The following NAV2 variants were observed in gnomAD, a reference collection of about 807,000 sequenced individuals.
The protein encoded by NAV2 is neuron navigator 2, also known as helicase, APC down-regulated 1.
NAV2 carries 54 observed loss-of-function variants against 223.2 expected under a neutral mutation model. The ratio of observed to expected loss-of-function variants is 0.24; its 90% confidence interval spans 0.19 to 0.30. The LOEUF is 0.30. Among genes scored for constraint, NAV2 ranks in the 10% least tolerant of loss-of-function variants. NAV2 has a pLI of 1.00. For missense variants in NAV2, 2,806 were observed against 3,147.5 expected, an observed-to-expected ratio of 0.89 and a Z score of 2.60; for synonymous variants, 1,279 against 1,239.3, an observed-to-expected ratio of 1.03 and a Z score of -0.67.
chr11:19,701,941 GC>G (rs1320081245), intron 1 of NAV2, among the ~76,000 whole-genome samples: 1 of 152,140 alleles, frequency 6.6e-6, no homozygotes, highest in East Asian at 1.9e-4. Context: ...TTTGTTGACA[GC>G]TTTTAGACCA....
At chr11:20,063,371 CTATT>C (rs144583295) in intron 20 of NAV2, among the ~76,000 whole-genome samples, 48,841 of 151,656 alleles carry the variant, frequency 0.32, 9,111 homozygotes, top group East Asian at 0.78. Context: ...TAGCTGTACA[CTATT>C]TATTTTATTT....
chr11:19,450,450 A>C (rs1195631509), intron 1 of NAV2, among the ~76,000 whole-genome samples: 1 of 152,232 alleles, frequency 6.6e-6, no homozygotes, highest in Non-Finnish European at 1.5e-5. Flanking sequence ...GAACCAGCCT[A>C]GGCAAATCAC....
intron 26 of NAV2, 69 bp from the exon 27 acceptor site, chr11:20,090,796 G>A: frequency 6.6e-7 from 1 of 1,514,490 alleles, no homozygotes; most frequent in Non-Finnish European, 9.0e-7. Flanking sequence ...CCTGATGATT[G>A]ATGTGGACCA....
At chr11:19,446,796 T>C (rs892187257) in intron 1 of NAV2, among the ~76,000 whole-genome samples, 1 of 152,108 alleles carries the variant, frequency 6.6e-6, no homozygotes, top group African/African-American at 2.4e-5. Flanking sequence ...ATTGTCCTTT[T>C]GAATATGACC....
chr11:19,935,118 A>G (rs2045732366), intron 7 of NAV2, among the ~76,000 whole-genome samples: 1 of 152,184 alleles, frequency 6.6e-6, no homozygotes, highest in African/African-American at 2.4e-5. Flanking sequence ...AGGCAGATGG[A>G]AGCTCCCCAA....
At chr11:19,680,517 C>T (rs1374216296) in intron 1 of NAV2, among the ~76,000 whole-genome samples, 2 of 152,170 alleles carry the variant, frequency 1.3e-5, no homozygotes, top group Non-Finnish European at 1.5e-5. Flanking sequence ...ACCCCTCACC[C>T]GCACACACAG....
At chr11:19,625,033 A>G (rs1285946729) in intron 1 of NAV2, among the ~76,000 whole-genome samples, 1 of 152,220 alleles carries the variant, frequency 6.6e-6, no homozygotes, top group Non-Finnish European at 1.5e-5. Context: ...TAGCATATTC[A>G]TCATCTCAAA....
chr11:20,041,896 C>T (rs576777158), intron 12 of NAV2, among the ~76,000 whole-genome samples: 2 of 152,178 alleles, frequency 1.3e-5, no homozygotes, highest in Non-Finnish European at 2.9e-5. Flanking sequence ...TCATTGTCAT[C>T]TAAATTAGGT....
At chr11:19,557,325 C>T (rs1296159959) in intron 1 of NAV2, among the ~76,000 whole-genome samples, 3 of 152,192 alleles carry the variant, frequency 2.0e-5, no homozygotes, top group Admixed American at 1.3e-4. Context: ...TCATTCAAAC[C>T]CAGACTCTTA....
intron 1 of NAV2, among the ~76,000 whole-genome samples, chr11:19,783,482 AG>A: frequency 6.6e-6 from 1 of 152,242 alleles, no homozygotes. Flanking sequence ...TTTTTTAAGA[AG>A]CCCTCCCTGA....
intron 1 of NAV2, among the ~76,000 whole-genome samples, chr11:19,754,922 C>G (rs2054118634): frequency 6.6e-6 from 1 of 152,102 alleles, no homozygotes. Context: ...CTTGCTGGCC[C>G]TTTTCTCTCC....
chr11:19,677,774 A>G (rs978983334), intron 1 of NAV2, among the ~76,000 whole-genome samples: 1 of 152,250 alleles, frequency 6.6e-6, no homozygotes, highest in Non-Finnish European at 1.5e-5. Context: ...ATACGGTTTT[A>G]TTGGAACACA....
At chr11:19,545,664 C>G (rs1470813734) in intron 1 of NAV2, among the ~76,000 whole-genome samples, 3 of 152,024 alleles carry the variant, frequency 2.0e-5, no homozygotes, top group African/African-American at 7.2e-5. Flanking sequence ...AGGGAAATCT[C>G]CTAAGACGAG....
At chr11:19,629,687 G>A (rs1361825429) in intron 1 of NAV2, among the ~76,000 whole-genome samples, 2 of 152,144 alleles carry the variant, frequency 1.3e-5, no homozygotes, top group Non-Finnish European at 2.9e-5. Context: ...GTCCTAGACA[G>A]GGACAGGGGT....
chr11:19,756,452 T>C (rs573457436), intron 1 of NAV2, among the ~76,000 whole-genome samples: 5 of 152,244 alleles, frequency 3.3e-5, no homozygotes, highest in Admixed American at 6.5e-5. Context: ...ACCAAGAAAT[T>C]TGGACTGCGC....
rs770495434 is a variant in NAV2 at position 19,480,816 on chromosome 11, G to T, written c.75+129789G>T. On this transcript the variant is annotated intron_variant, in intron 1 of 37. Transcript: ENST00000360655. ...ATTGACTGCAGAAACCAAGATTAGA[G>T]GTGAGGGTCCAGGCTCCCAGACCAG... Among the ~76,000 whole-genome samples, 59 of 152,184 alleles carry T rather than the reference G, an allele frequency of 3.9e-4. 1 individual carries two copies. The highest frequency in any genetic ancestry group is 7.3e-5 in the Non-Finnish European group (5 of 68,040).
At chr11:19,504,193 A>G (rs2043047792) in intron 1 of NAV2, 1 of 152,280 alleles carries the variant, frequency 6.6e-6, no homozygotes, top group Admixed American at 6.5e-5. Context: ...GAGAAACAGG[A>G]ACTCTCATTC....
intron 1 of NAV2, among the ~76,000 whole-genome samples, chr11:19,561,298 A>T (rs754985760): frequency 6.6e-6 from 1 of 152,176 alleles, no homozygotes; most frequent in Non-Finnish European, 1.5e-5. Context: ...ATCTGGGTGC[A>T]GCGTCTCCTA....
upstream of NAV2, among the ~76,000 whole-genome samples, chr11:19,708,703 C>T (rs972700386): frequency 2.0e-5 from 3 of 152,076 alleles, no homozygotes; most frequent in African/African-American, 7.2e-5. Context: ...CTCTTAGAAC[C>T]AGGGAACTAT....
Sources: gnomAD v4.1 joint callset for allele counts (sites outside exome capture counted in the v4.1 genomes callset) on GRCh38, gnomAD v4.1.1 for gene constraint, MANE v1.5 for transcripts, NCBI Gene and HGNC (gene_info 2026-07-23, HGNC 2026-07-21) for gene names.